The following ZNF644 variants were observed in gnomAD, a reference collection of about 807,000 sequenced individuals.
ZNF644 encodes zinc finger protein 644, also known as zinc finger motif enhancer binding protein 2.
ZNF644 carries 20 observed loss-of-function variants against 108.0 expected under a neutral mutation model. That is an observed-to-expected ratio of 0.19 (90% confidence interval 0.13 to 0.27). The LOEUF (loss-of-function observed/expected upper bound fraction) is 0.27. Among genes scored for constraint, ZNF644 ranks in the 10% least tolerant of loss-of-function variants. The pLI is 1.00. For synonymous variants in ZNF644, 542 were observed against 539.1 expected (o/e 1.01, Z -0.08); for missense variants, 1,338 against 1,548.9 (o/e 0.86, Z 2.29).
intron 2 of ZNF644, among the ~76,000 whole-genome samples, chr1:90,959,891 A>G (rs1185954781): frequency 6.6e-6 from 1 of 152,120 alleles, no homozygotes; most frequent in Non-Finnish European, 1.5e-5. Flanking sequence ...AAAAATATTA[A>G]ATGGAAAATT....
chr1:91,004,887 A>T (rs1659260958), intron 1 of ZNF644, among the ~76,000 whole-genome samples: 1 of 152,152 alleles, frequency 6.6e-6, no homozygotes, highest in African/African-American at 2.4e-5. Context: ...TATCTATTTA[A>T]CACAAAAGGC....
chr1:91,005,757 T>G (rs356351), intron 1 of ZNF644, among the ~76,000 whole-genome samples: 1 of 151,760 alleles, frequency 6.6e-6, no homozygotes, highest in Non-Finnish European at 1.5e-5. Flanking sequence ...CTAAAACTTA[T>G]GGGATGAAGT....
chr1:90,991,683 A>C (rs1270943234), intron 1 of ZNF644, among the ~76,000 whole-genome samples: 1 of 152,134 alleles, frequency 6.6e-6, no homozygotes, highest in African/African-American at 2.4e-5. Context: ...AAGGGGGGGA[A>C]GTGCTACACA....
chr1:90,983,614 A>G (rs1203964202), intron 1 of ZNF644, among the ~76,000 whole-genome samples: 1 of 152,028 alleles, frequency 6.6e-6, no homozygotes, highest in Non-Finnish European at 1.5e-5. Flanking sequence ...AACGAGACAC[A>G]CACTGAAGGC....
rs1030314204 is a variant in ZNF644, at chr1:90,939,203, T to G, written c.2151A>C (p.Gln717His). The G allele has an allele frequency of 6.2e-7, 1 of 1,613,962 alleles. No individual in the cohort carries two copies. Among genetic ancestry groups the G allele is most frequent in the African/African-American group, 1.3e-5 (1 of 75,056 alleles). ...KNVTIKSSVD[Q>H]KPKYFHQAAK... Reference sequence around the variant, plus strand: ...CTGCTTGATGGAAATACTTAGGTTTTTGGTCAACGCTGCTTTTAATTGTAA... The same window carrying G: ...CTGCTTGATGGAAATACTTAGGTTTGTGGTCAACGCTGCTTTTAATTGTAA... Residue 717 changes from glutamine to histidine, a missense_variant, in exon 3 of 6, where the codon CAA becomes CAC. Coordinates refer to ENST00000337393, the MANE Select transcript of ZNF644 (RefSeq NM_201269.3).
chr1:90,965,175 G>C (rs1464232365), intron 2 of ZNF644, among the ~76,000 whole-genome samples: 1 of 152,198 alleles, frequency 6.6e-6, no homozygotes, highest in Non-Finnish European at 1.5e-5. Flanking sequence ...AGTCCTGCAA[G>C]TGGTGGCTTA....
At chr1:90,960,643 A>G (rs1001166613) in intron 2 of ZNF644, among the ~76,000 whole-genome samples, 1 of 152,086 alleles carries the variant, frequency 6.6e-6, no homozygotes, top group African/African-American at 2.4e-5. Context: ...ACACATTTCC[A>G]CTTCCTTAGA....
At chr1:90,953,873 G>A (rs77247176) in intron 2 of ZNF644, among the ~76,000 whole-genome samples, 1,949 of 151,980 alleles carry the variant, frequency 0.013, 39 homozygotes, top group African/African-American at 0.044. Context: ...CTGAGATCGC[G>A]CCACTACTCC....
intron 2 of ZNF644, among the ~76,000 whole-genome samples, chr1:90,961,188 T>C (rs373095805): frequency 6.6e-6 from 1 of 152,088 alleles, no homozygotes; most frequent in South Asian, 2.1e-4. Flanking sequence ...CACAAGAGTA[T>C]AGTGGCAAAT....
chr1:90,936,791 T>C (rs1002373801), intron 4 of ZNF644, among the ~76,000 whole-genome samples: 2 of 149,932 alleles, frequency 1.3e-5, no homozygotes. Flanking sequence ...ACATACAAAA[T>C]ATTCCTTTCA....
In ZNF644 at chr1:90,916,690, C is replaced by T; in HGVS notation, c.*108G>A. 1.6e-6 allele frequency: 2 copies of T among 1,225,690 alleles called. No individual in the cohort carries two copies. The highest frequency in any genetic ancestry group is 2.3e-6 in the Non-Finnish European group (2 of 851,428). 75.9% of individuals were successfully genotyped at this position (1,225,690 alleles called of 1,614,324 possible). On this transcript the variant is annotated 3_prime_UTR_variant, in exon 6 of 6. Coordinates refer to ENST00000337393, the MANE Select transcript of ZNF644 (RefSeq NM_201269.3). ...ATGTCACTGTAATTCACTTTCCCCC[C>T]ATTTTCCTGCTTTAGTATTTATAAA...
intron 1 of ZNF644, among the ~76,000 whole-genome samples, chr1:91,014,143 T>C (rs769405522): frequency 5.9e-5 from 9 of 152,204 alleles, no homozygotes; most frequent in Non-Finnish European, 1.3e-4. Flanking sequence ...TGGTTAAATC[T>C]AGCTAATTAA....
chr1:90,935,340 C>G, intron 4 of ZNF644: 1 of 983,636 alleles, frequency 1.0e-6, no homozygotes, highest in Non-Finnish European at 1.2e-6. Context: ...GAATTAACAC[C>G]AGTCTGGTGG....
intron 5 of ZNF644, among the ~76,000 whole-genome samples, chr1:90,917,644 C>T (rs538473129): frequency 2.0e-5 from 3 of 152,166 alleles, no homozygotes; most frequent in Admixed American, 1.3e-4. Flanking sequence ...ATTACAGGCA[C>T]CCGCTACAAA....
Position 90,986,982 on chromosome 1 carries a change from A to G in ZNF644, c.-17-4612T>C, listed in dbSNP as rs1657163878. On this transcript the variant is annotated intron_variant, in intron 1 of 5. Coordinates refer to ENST00000337393, the MANE Select transcript of ZNF644 (RefSeq NM_201269.3). ...TTAAATATCCGGAGACAAAAACAAA[A>G]ACACAACAAACCATTACGTTATGAG... 5.3e-5 allele frequency among the ~76,000 whole-genome samples: 8 copies of G among 151,744 alleles called. No homozygotes were observed. The South Asian group carries it at 1.7e-3, about 31-fold the overall frequency.
chr1:90,932,611 G>A (rs1251076883), intron 4 of ZNF644, among the ~76,000 whole-genome samples: 2 of 152,034 alleles, frequency 1.3e-5, no homozygotes, highest in Non-Finnish European at 2.9e-5. Flanking sequence ...CTTTATAACA[G>A]TGATATTGAT....
rs372717925 is a variant in ZNF644 at position 90,940,684 on chromosome 1, C to T, written c.670G>A (p.Val224Met). The T allele has an allele frequency of 2.5e-6, 4 of 1,613,976 alleles. No individual in the cohort carries two copies. In the African/African-American group the frequency reaches 5.3e-5, roughly 22 times the overall value. Residue 224 changes from valine to methionine, a missense_variant, in exon 3 of 6, where the codon GTG becomes ATG. This residue lies in a region of ZNF644 where 464 missense variants were observed against 457.9 expected (regional missense o/e 1.01). Coordinates refer to ENST00000337393, the MANE Select transcript of ZNF644 (RefSeq NM_201269.3). The stretch of plus-strand genomic sequence containing the variant: ...AATAAATCTTCACCATCCTCACCCA[C>T]CTCTACTTGATTTATTAAAGTGCCA... ...SDGTLINQVE[V>M]GEDGEDLLVK...
At position 90,940,852 on chromosome 1, in the gene ZNF644, TCTGTGGTGTAGACAG is replaced by T; in HGVS notation, c.487_501del (p.Leu163_Gln167del). On this transcript the variant is annotated inframe_deletion, in exon 3 of 6. Coordinates refer to ENST00000337393, the MANE Select transcript of ZNF644 (RefSeq NM_201269.3). ...AATAAAACTTGGTGTTGACTTGCTT[TCTGTGGTGTAGACAG>T]CTGAAGATCAGCTGCTACCTTCAAA... The T allele has an allele frequency of 6.2e-7, 1 of 1,614,080 alleles. No homozygotes were observed. Among genetic ancestry groups the T allele is most frequent in the Non-Finnish European group, 8.5e-7 (1 of 1,179,974 alleles).
At chr1:90,934,760 C>A (rs1651135701) in intron 4 of ZNF644, among the ~76,000 whole-genome samples, 1 of 152,152 alleles carries the variant, frequency 6.6e-6, no homozygotes. Flanking sequence ...CGCTTGTCAA[C>A]ACAAGCCATT....
Sources: gnomAD v4.1 joint callset for allele counts (sites outside exome capture counted in the v4.1 genomes callset) on GRCh38, gnomAD v4.1.1 for gene constraint, gnomAD v4.1.1 regional missense constraint, MANE v1.5 for transcripts, NCBI Gene and HGNC (gene_info 2026-07-23, HGNC 2026-07-21) for gene names.